The following PPFIA1 variants were observed in gnomAD, a reference collection of about 807,000 sequenced individuals.
PPFIA1 encodes the protein liprin-alpha-1.
PPFIA1 carries 25 observed loss-of-function variants against 149.9 expected under a neutral mutation model. The ratio of observed to expected loss-of-function variants is 0.17; its 90% CI spans 0.12 to 0.23. The LOEUF is 0.23. PPFIA1 is among the 10% of genes least tolerant of loss of function. PPFIA1 has a pLI of 1.00. For synonymous variants in PPFIA1, 549 were observed against 552.8 expected, an observed-to-expected ratio of 0.99 and a Z score of 0.10; for missense variants, 1,362 against 1,506.5, an observed-to-expected ratio of 0.90 and a Z score of 1.59.
chr11:70,358,764 G>A (rs560076197), intron 19 of PPFIA1: 1 of 152,314 alleles, frequency 6.6e-6, no homozygotes, highest in South Asian at 2.1e-4. Flanking sequence ...CTGATTTCAA[G>A]TTTTGTAAGA....
chr11:70,319,164 G>A (rs751866617), intron 2 of PPFIA1, among the ~76,000 whole-genome samples: 6 of 152,126 alleles, frequency 3.9e-5, no homozygotes, highest in Non-Finnish European at 7.3e-5. Context: ...ACTTGCTTCC[G>A]CCAGAATCCT....
intron 2 of PPFIA1, among the ~76,000 whole-genome samples, chr11:70,295,031 G>A (rs949880616): frequency 1.3e-5 from 2 of 152,154 alleles, no homozygotes; most frequent in South Asian, 2.1e-4. Context: ...CCACAAAACC[G>A]CCATTGTCAT....
rs1404288094 is a variant in PPFIA1, at chr11:70,372,280, C to G, written c.2931C>G (p.Leu977=). Residue 977 remains leucine, a synonymous_variant, in exon 22 of 28, where the codon CTC becomes CTG. Transcript: ENST00000253925. ...IGNEWLPSLG[L]PQYRSYFMEC... is the part of the protein sequence containing the mutation. ...ACGAGTGGCTCCCCAGCCTGGGCCT[C>G]CCCCAGTACCGCAGCTACTTCATGG... 6.2e-7 allele frequency: 1 copy of G among 1,614,214 alleles called. No homozygotes were observed. The highest frequency in any genetic ancestry group is 1.1e-5 in the South Asian group (1 of 91,086).
chr11:70,342,936 CTTTTTTTTTT>C lies in PPFIA1; in HGVS notation c.1708-713_1708-704del, dbSNP rs71463672. On this transcript the variant is annotated intron_variant, in intron 14 of 27. Coordinates refer to ENST00000253925, the MANE Select transcript of PPFIA1 (RefSeq NM_003626.5). ...TTGCAGCTATTTTGAAATGTACCAC[CTTTTTTTTTT>C]TTTTTTTTTTTTTTTTTTTGAGGCA... Among the ~76,000 whole-genome samples, 309 of 78,168 alleles carry C rather than the reference CTTTTTTTTTT, an allele frequency of 4.0e-3. 1 individual carries two copies. The highest frequency in any genetic ancestry group is 0.018 in the African/African-American group (284 of 16,204). 51.3% of individuals were successfully genotyped at this position (78,168 alleles called of 152,430 possible).
At chr11:70,332,972 C>G (rs766178661) in intron 9 of PPFIA1, 55 of 449,768 alleles carry the variant, frequency 1.2e-4, no homozygotes, top group Non-Finnish European at 9.0e-6. Flanking sequence ...TTTAAAGTCT[C>G]GATTTCTTTT....
chr11:70,336,096 T>G (rs1467960936), intron 11 of PPFIA1, among the ~76,000 whole-genome samples: 2 of 152,238 alleles, frequency 1.3e-5, no homozygotes, highest in African/African-American at 4.8e-5. Flanking sequence ...ATAAAATTCA[T>G]TTGTAGAAAC....
chr11:70,369,069 C>T (rs950176575), intron 21 of PPFIA1, among the ~76,000 whole-genome samples: 1 of 151,894 alleles, frequency 6.6e-6, no homozygotes, highest in East Asian at 1.9e-4. Flanking sequence ...GGATTATAGG[C>T]ATGAGCCACC....
At chr11:70,271,317 C>G (rs1445852750) in intron 1 of PPFIA1, 1 of 152,520 alleles carries the variant, frequency 6.6e-6, no homozygotes, top group Non-Finnish European at 1.5e-5. Flanking sequence ...CCATCCCCAT[C>G]AGGTGCGCCG....
At chr11:70,292,509 C>T (rs942162679) in intron 2 of PPFIA1, among the ~76,000 whole-genome samples, 12 of 152,214 alleles carry the variant, frequency 7.9e-5, no homozygotes, top group Non-Finnish European at 1.6e-4. Context: ...CCTTCTGTTT[C>T]CTCACAGTAA....
At chr11:70,349,834 G>T in intron 16 of PPFIA1, 3 of 443,902 alleles carry the variant, frequency 6.8e-6, no homozygotes, top group South Asian at 1.6e-5. Context: ...TATTTTTTCT[G>T]GTTTTGTAAT....
At chr11:70,305,226 G>A (rs1010273315) in intron 2 of PPFIA1, among the ~76,000 whole-genome samples, 5 of 152,176 alleles carry the variant, frequency 3.3e-5, no homozygotes, top group Admixed American at 3.3e-4. Flanking sequence ...AGCAAAAAAA[G>A]GGGAGAAAAC....
intron 8 of PPFIA1, among the ~76,000 whole-genome samples, chr11:70,330,666 T>C (rs574856699): frequency 9.2e-5 from 14 of 152,350 alleles, no homozygotes; most frequent in Non-Finnish European, 1.9e-4. Context: ...GTATGACAAA[T>C]GAAGTCTTGG....
chr11:70,351,524 A>G (rs1442102631), intron 16 of PPFIA1, among the ~76,000 whole-genome samples: 1 of 152,188 alleles, frequency 6.6e-6, no homozygotes, highest in Admixed American at 6.5e-5. Context: ...TATTTGCATT[A>G]CACTTACTAG....
intron 10 of PPFIA1, among the ~76,000 whole-genome samples, chr11:70,334,843 G>A (rs1003804698): frequency 9.2e-5 from 14 of 152,216 alleles, no homozygotes; most frequent in Admixed American, 9.2e-4. Flanking sequence ...CCTGAGCACT[G>A]CAAGGGCACT....
intron 2 of PPFIA1, among the ~76,000 whole-genome samples, chr11:70,290,156 A>C (rs1476658337): frequency 1.3e-5 from 2 of 152,130 alleles, no homozygotes; most frequent in African/African-American, 4.8e-5. Context: ...CTTGGGCCTG[A>C]GAGATGGAGG....
At chr11:70,279,161 A>G (rs909317898) in intron 2 of PPFIA1, 1 of 494,208 alleles carries the variant, frequency 2.0e-6, no homozygotes. Flanking sequence ...TCGCGCCCAC[A>G]CGTCCAGGAC....
At chr11:70,320,637 A>T (rs144952996) in intron 2 of PPFIA1, among the ~76,000 whole-genome samples, 1 of 151,564 alleles carries the variant, frequency 6.6e-6, no homozygotes, top group African/African-American at 2.4e-5. Flanking sequence ...GGGTCTCACT[A>T]TGTTGCCCAA....
intron 2 of PPFIA1, among the ~76,000 whole-genome samples, chr11:70,298,107 T>G (rs1309194657): frequency 6.6e-6 from 1 of 152,238 alleles, no homozygotes; most frequent in Non-Finnish European, 1.5e-5. Context: ...GAACACATAT[T>G]GAATGAAAAT....
chr11:70,304,996 T>C (rs1446509948), intron 2 of PPFIA1, among the ~76,000 whole-genome samples: 1 of 152,148 alleles, frequency 6.6e-6, no homozygotes, highest in African/African-American at 2.4e-5. Flanking sequence ...ATTTACTTCA[T>C]GTTTTGATTG....
Sources: allele counts gnomAD v4.1 joint callset (sites outside exome capture counted in the v4.1 genomes callset), GRCh38; gene constraint gnomAD v4.1.1; transcripts MANE v1.5; gene names NCBI Gene and HGNC (gene_info 2026-07-23, HGNC 2026-07-21).